Variants in FGF12 observed in about 807,000 individuals in gnomAD.
FGF12 encodes the protein fibroblast growth factor 12B.
FGF12 carries 14 observed loss-of-function variants against 23.6 expected under a neutral mutation model. The observed-to-expected ratio is 0.59, with a 90% CI of 0.39 to 0.93. The LOEUF (loss-of-function observed/expected upper bound fraction) is 0.93. FGF12 is among the 40% of genes least tolerant of loss of function. The pLI is 0.00. For synonymous variants in FGF12, 62 were observed against 77.3 expected (o/e 0.80, Z 1.04); for missense variants, 175 against 217.8 (o/e 0.80, Z 1.24).
intron 2 of FGF12, among the ~76,000 whole-genome samples, chr3:192,410,093 G>A (rs968308884): frequency 6.6e-6 from 1 of 151,916 alleles, no homozygotes; most frequent in Non-Finnish European, 1.5e-5. Context: ...CGCAGAGCCC[G>A]CGGCAGCCAG....
At chr3:192,163,707 G>A (rs1011894718) in intron 5 of FGF12, among the ~76,000 whole-genome samples, 1 of 152,056 alleles carries the variant, frequency 6.6e-6, no homozygotes, top group African/African-American at 2.4e-5. Context: ...AGATGGTTCT[G>A]GTACTGATGT....
At chr3:192,288,919 G>T (rs1250418679) in intron 4 of FGF12, among the ~76,000 whole-genome samples, 1 of 151,998 alleles carries the variant, frequency 6.6e-6, no homozygotes, top group African/African-American at 2.4e-5. Context: ...TGCCTTTTAT[G>T]CTTAACTTTT....
intron 2 of FGF12, among the ~76,000 whole-genome samples, chr3:192,683,590 CA>C (rs1717621900): frequency 6.6e-6 from 1 of 152,166 alleles, no homozygotes; most frequent in African/African-American, 2.4e-5. Flanking sequence ...AAAACAGAAA[CA>C]TTTCCCCGCT....
At chr3:192,569,881 T>C (rs1025328490) in intron 2 of FGF12, among the ~76,000 whole-genome samples, 4 of 152,202 alleles carry the variant, frequency 2.6e-5, no homozygotes, top group Non-Finnish European at 5.9e-5. Flanking sequence ...GCTTTAGAAA[T>C]ATGTGTATAA....
At chr3:192,445,596 C>T (rs1364913097) in intron 2 of FGF12, among the ~76,000 whole-genome samples, 2 of 152,120 alleles carry the variant, frequency 1.3e-5, no homozygotes, top group Non-Finnish European at 2.9e-5. Context: ...TATTTTAGCT[C>T]ATCAGAGATC....
chr3:192,584,443 T>C (rs1385023187), intron 2 of FGF12, among the ~76,000 whole-genome samples: 1 of 152,050 alleles, frequency 6.6e-6, no homozygotes, highest in East Asian at 1.9e-4. Flanking sequence ...AGAGATACAC[T>C]GAGGCCTTAT....
In FGF12 at chr3:192,218,528, T is replaced by C. The variant is rs144237887; in HGVS notation, c.229-47872A>G. 1.6e-3 allele frequency among the ~76,000 whole-genome samples: 247 copies of C among 152,282 alleles called. 2 individuals carry two copies. Among genetic ancestry groups the C allele is most frequent in the African/African-American group, 5.7e-3 (235 of 41,550 alleles). ...TGTGTGGCACCTCCCCGTCTCTCTCTTCCTCCTGCTCTGGCTATCACCTGC... is the reference window on the plus strand; with the variant it reads ...TGTGTGGCACCTCCCCGTCTCTCTCCTCCTCCTGCTCTGGCTATCACCTGC... On this transcript the variant is annotated intron_variant, in intron 4 of 5. Transcript: ENST00000445105.
intron 2 of FGF12, among the ~76,000 whole-genome samples, chr3:192,688,392 A>G (rs1028019416): frequency 4.6e-5 from 7 of 152,188 alleles, no homozygotes; most frequent in Admixed American, 3.9e-4. Context: ...GTCTTCTCTT[A>G]CCAAAACCAG....
intron 2 of FGF12, among the ~76,000 whole-genome samples, chr3:192,545,301 C>T (rs1025102175): frequency 6.6e-6 from 1 of 152,170 alleles, no homozygotes; most frequent in South Asian, 2.1e-4. Context: ...AACATATTTT[C>T]CCTGGCACTG....
chr3:192,246,327 A>G (rs116523999), intron 4 of FGF12, among the ~76,000 whole-genome samples: 1,636 of 152,324 alleles, frequency 0.011, 16 homozygotes, highest in Middle Eastern at 0.024. Context: ...AATCTTTAAC[A>G]TAAGTGGAGT....
chr3:192,261,882 G>A (rs900329171), intron 4 of FGF12, among the ~76,000 whole-genome samples: 1 of 152,134 alleles, frequency 6.6e-6, no homozygotes. Flanking sequence ...AAAAATAGTA[G>A]TAGTAGCCCA....
At chr3:192,706,338 A>G (rs1305122272) in intron 2 of FGF12, among the ~76,000 whole-genome samples, 1 of 152,124 alleles carries the variant, frequency 6.6e-6, no homozygotes, top group Non-Finnish European at 1.5e-5. Flanking sequence ...AAGTCTCTGG[A>G]TCATCTTTTC....
chr3:192,185,223 T>A (rs182304181), intron 4 of FGF12, among the ~76,000 whole-genome samples: 1 of 152,334 alleles, frequency 6.6e-6, no homozygotes, highest in East Asian at 1.9e-4. Context: ...TTACATATCA[T>A]GTGTATTTGC....
chr3:192,669,904 A>T (rs1171295209), intron 2 of FGF12, among the ~76,000 whole-genome samples: 2 of 152,192 alleles, frequency 1.3e-5, no homozygotes, highest in South Asian at 4.1e-4. Flanking sequence ...CAAAACATCC[A>T]TTCAAATTAC....
intron 2 of FGF12, among the ~76,000 whole-genome samples, chr3:192,696,506 T>G (rs1174738909): frequency 6.6e-6 from 1 of 152,120 alleles, no homozygotes; most frequent in Non-Finnish European, 1.5e-5. Flanking sequence ...TTTCAAAAGC[T>G]AGTACATTGC....
At chr3:192,567,775 T>TTCTTTCTTTCTTTCTTTCTTTC (rs1560152957) in intron 2 of FGF12, among the ~76,000 whole-genome samples, 1 of 136,744 alleles carries the variant, frequency 7.3e-6, no homozygotes, top group Non-Finnish European at 1.6e-5. Context: ...CTTTCTTTCT[T>TTCTTTCTTTCTTTCTTTCTTTC]TCTTTCTTTC....
chr3:192,722,346 G>A lies in FGF12; in HGVS notation c.13+4835C>T, dbSNP rs554702471. 7.9e-5 allele frequency among the ~76,000 whole-genome samples: 12 copies of A among 152,040 alleles called. 1 individual carries two copies. In the South Asian group the frequency reaches 1.7e-3, roughly 21 times the overall value. On this transcript the variant is annotated intron_variant, in intron 2 of 5. Transcript: ENST00000445105. ...CCACAAAATGGCTCTTCTTAAAATC[G>A]CTTTCCAGTTCTGATATACTAATGA...
At chr3:192,493,170 C>A (rs780635091) in intron 2 of FGF12, among the ~76,000 whole-genome samples, 1 of 152,020 alleles carries the variant, frequency 6.6e-6, no homozygotes, top group Non-Finnish European at 1.5e-5. Context: ...AGTCCAGGGT[C>A]TCAGTCTAGG....
In FGF12 at chr3:192,267,376, C is replaced by T. The variant is rs147248249; in HGVS notation, c.228+67985G>A. On this transcript the variant is annotated intron_variant, in intron 4 of 5. Coordinates refer to ENST00000445105, the MANE Select transcript of FGF12 (RefSeq NM_004113.6). ...CCCCGTCTAAAATTCCCATGCATTACGCTTTTCAATGGCCACAGATTAAAG... is the reference window on the plus strand; with the variant it reads ...CCCCGTCTAAAATTCCCATGCATTATGCTTTTCAATGGCCACAGATTAAAG... Among the ~76,000 whole-genome samples, 6 of 152,246 alleles carry T rather than the reference C, an allele frequency of 3.9e-5. No individual in the cohort carries two copies. In the East Asian group the frequency reaches 7.7e-4, roughly 20 times the overall value.
Sources: gnomAD v4.1 joint callset for allele counts (sites outside exome capture counted in the v4.1 genomes callset) on GRCh38, gnomAD v4.1.1 for gene constraint, MANE v1.5 for transcripts, NCBI Gene and HGNC (gene_info 2026-07-23, HGNC 2026-07-21) for gene names.